Variants in LATS2 observed in about 807,000 individuals in gnomAD.
LATS2 encodes serine/threonine-protein kinase LATS2.
In LATS2, 24 loss-of-function variants were observed where a neutral mutation model predicts 76.0. The observed-to-expected ratio is 0.32, with a 90% CI of 0.23 to 0.44. The LOEUF (loss-of-function observed/expected upper bound fraction) is 0.44, where lower values mean the gene tolerates loss of function less well. Among genes scored for constraint, LATS2 ranks in the 20% least tolerant of loss-of-function variants. The probability of loss-of-function intolerance (pLI) is 1.00; values close to 1 mark genes in which losing one functional copy is unlikely to be tolerated. For missense variants in LATS2, 1,286 were observed against 1,481.2 expected, an observed-to-expected ratio of 0.87 and a Z score of 2.16; for synonymous variants, 692 against 635.4, an observed-to-expected ratio of 1.09 and a Z score of -1.34.
chr13:21,052,356 T>G (rs1312647355), intron 1 of LATS2, among the ~76,000 whole-genome samples: 1 of 152,014 alleles, frequency 6.6e-6, no homozygotes, highest in Non-Finnish European at 1.5e-5. Context: ...CTCTTTATTT[T>G]TTATTTATTT....
chr13:21,045,424 T>C (rs1056283422), intron 2 of LATS2, among the ~76,000 whole-genome samples: 9 of 152,128 alleles, frequency 5.9e-5, no homozygotes, highest in Non-Finnish European at 7.4e-5. Context: ...AAAATACACA[T>C]TACAATTTCA....
intron 4 of LATS2, 116 bp from the exon 5 acceptor site, chr13:20,983,922 G>A (rs1870026129): frequency 1.3e-6 from 1 of 765,622 alleles, no homozygotes; most frequent in Non-Finnish European, 2.1e-6. Flanking sequence ...TTACAGAAAG[G>A]AGAACAGAGA....
intron 2 of LATS2, among the ~76,000 whole-genome samples, chr13:20,992,087 G>C (rs1870532494): frequency 6.6e-6 from 1 of 152,198 alleles, no homozygotes; most frequent in African/African-American, 2.4e-5. Context: ...AGGGCCACAG[G>C]AGAAAGCCTC....
intron 2 of LATS2, among the ~76,000 whole-genome samples, chr13:20,992,071 T>C (rs1017969081): frequency 1.3e-5 from 2 of 151,922 alleles, no homozygotes; most frequent in African/African-American, 4.8e-5. Context: ...GCAGGTAAAA[T>C]GGATGAGGGC....
At position 20,988,221 on chromosome 13, in the gene LATS2, T is replaced by C. The variant is rs1365034773; in HGVS notation, c.1559A>G (p.Lys520Arg). 1 of 1,609,176 alleles carries C rather than the reference T, an allele frequency of 6.2e-7. No individual in the cohort carries two copies. Among genetic ancestry groups the C allele is most frequent in the Non-Finnish European group, 8.5e-7 (1 of 1,179,472 alleles). Residue 520 changes from lysine to arginine, a missense_variant, in exon 4 of 8, where the codon AAG becomes AGG. Lys to Arg is a conservative substitution (Grantham distance 26, BLOSUM62 2). Around this residue, in one of 5 missense-constraint regions of LATS2, gnomAD observed 710 missense variants for 660.9 expected, o/e 1.07. Transcript: ENST00000382592. ...DRRCPPPPYP[K>R]HLLLRSKSEQ... ...CGACTTGCTGCGCAGCAGCAGGTGC[T>C]TCGGGTAGGGCGGAGGCGGGCACCT...
At chr13:21,057,003 GA>G (rs1873469276) in intron 1 of LATS2, among the ~76,000 whole-genome samples, 1 of 152,174 alleles carries the variant, frequency 6.6e-6, no homozygotes, top group South Asian at 2.1e-4. Flanking sequence ...CATTTAATGA[GA>G]AAAATGAGTG....
chr13:20,993,281 C>A (rs1463738327), intron 2 of LATS2, among the ~76,000 whole-genome samples: 1 of 152,156 alleles, frequency 6.6e-6, no homozygotes. Context: ...CCTGGCAGGG[C>A]CTGAATCCAT....
At chr13:21,046,381 T>C (rs1873078429) in intron 1 of LATS2, among the ~76,000 whole-genome samples, 151 bp from the exon 2 acceptor site, 1 of 152,232 alleles carries the variant, frequency 6.6e-6, no homozygotes, top group East Asian at 1.9e-4. Context: ...ACAAAAATAC[T>C]GTTCAACCAT....
intron 7 of LATS2, 107 bp downstream of exon 7, chr13:20,979,584 T>C (rs1021603846): frequency 2.0e-6 from 1 of 510,690 alleles, no homozygotes. Flanking sequence ...ACAACTGCCA[T>C]TCCTACCCTA....
intron 2 of LATS2, among the ~76,000 whole-genome samples, chr13:21,010,285 C>CT (rs932868512): frequency 3.3e-5 from 5 of 152,146 alleles, no homozygotes; most frequent in Admixed American, 2.6e-4. Flanking sequence ...ATCAACCACA[C>CT]TGGCTTCAAC....
intron 6 of LATS2, among the ~76,000 whole-genome samples, chr13:20,980,498 G>A (rs528927341): frequency 1.8e-4 from 27 of 152,256 alleles, no homozygotes; most frequent in African/African-American, 5.5e-4. Context: ...GTCAGTCTGC[G>A]GGTGCCTGCA....
chr13:21,008,295 T>G (rs1311392555), intron 2 of LATS2, among the ~76,000 whole-genome samples: 2 of 151,964 alleles, frequency 1.3e-5, no homozygotes. Flanking sequence ...TCACAGGACC[T>G]CTTTGGCTCT....
In LATS2 at chr13:20,973,539, C is replaced by G. The variant is rs753492271; in HGVS notation, c.*1331G>C. On this transcript the variant is annotated 3_prime_UTR_variant, in exon 8 of 8. Transcript: ENST00000382592. ...CTGTGTGTGTGTGTGTGTGTGTATA[C>G]ACGCACATACATCTATACTTCTAAG... 26 of 229,090 alleles carry G rather than the reference C, an allele frequency of 1.1e-4. No homozygotes were observed. Among genetic ancestry groups the G allele is most frequent in the Non-Finnish European group, 2.0e-4 (23 of 117,154 alleles). The allele number at this position is 229,090 out of a possible 1,614,324, so 14.2% of individuals were successfully genotyped here.
chr13:21,029,612 G>A (rs1262231511), intron 2 of LATS2, among the ~76,000 whole-genome samples: 1 of 152,078 alleles, frequency 6.6e-6, no homozygotes. Flanking sequence ...CCAATATGGT[G>A]AAACCCCATT....
rs559896560 is a variant in LATS2, at chr13:21,046,559, A to G, written c.-204-329T>C. ...ATAATAAAATTTTATTTTGAAACCC[A>G]CAGCTTGAGGAGTATTTAAATTTTC... On this transcript the variant is annotated intron_variant, in intron 1 of 7. Coordinates refer to ENST00000382592, the MANE Select transcript of LATS2 (RefSeq NM_014572.3). Among the ~76,000 whole-genome samples, 6 of 152,316 alleles carry G rather than the reference A, an allele frequency of 3.9e-5. No individual in the cohort carries two copies. The East Asian group carries it at 1.2e-3, about 29-fold the overall frequency.
intron 4 of LATS2, among the ~76,000 whole-genome samples, chr13:20,987,410 T>C (rs1302990733): frequency 6.6e-6 from 1 of 152,236 alleles, no homozygotes; most frequent in East Asian, 1.9e-4. Context: ...AACTAAGGTA[T>C]ATTTAAATCA....
chr13:20,991,516 G>A lies in LATS2; in HGVS notation c.343-112C>T. The A allele has an allele frequency of 8.2e-7, 1 of 1,216,698 alleles. No individual in the cohort carries two copies. Among genetic ancestry groups the A allele is most frequent in the Non-Finnish European group, 1.2e-6 (1 of 858,210 alleles). The allele number at this position is 1,216,698 out of a possible 1,614,324, so 75.4% of individuals were successfully genotyped here. On this transcript the variant is annotated intron_variant, in intron 2 of 7. Coordinates refer to ENST00000382592, the MANE Select transcript of LATS2 (RefSeq NM_014572.3). The surrounding 1 kb of genome is among the most constrained non-coding windows in gnomAD (Gnocchi z 4.9). ...TGCTGGGACACTTCGCCTCTGTACT[G>A]CTGAGAACCTGCGATATGCTGCAGG...
In LATS2 at chr13:20,991,148, T is replaced by C. The variant is rs750620465; in HGVS notation, c.475+124A>G. On this transcript the variant is annotated intron_variant, in intron 3 of 7. Coordinates refer to ENST00000382592, the MANE Select transcript of LATS2 (RefSeq NM_014572.3). This position sits in a 1 kb window ranked among gnomAD's most constrained non-coding sequence, Gnocchi z 4.9. ...AGGCTCAGCTTGCCTGTTAACTGAA[T>C]GAGGCAATGTGCCAGGAGACTGGCT... The C allele has an allele frequency of 1.6e-6, 2 of 1,212,744 alleles. No individual in the cohort carries two copies. Among genetic ancestry groups the C allele is most frequent in the Non-Finnish European group, 2.4e-6 (2 of 848,988 alleles). The allele number at this position is 1,212,744 out of a possible 1,614,324, so 75.1% of individuals were successfully genotyped here. A position where few individuals can be genotyped will look rare whatever the true frequency, so the allele number is the denominator to read the frequency against.
chr13:21,040,194 G>A (rs1398859309), intron 2 of LATS2, among the ~76,000 whole-genome samples: 7 of 151,932 alleles, frequency 4.6e-5, no homozygotes, highest in Non-Finnish European at 7.4e-5. Context: ...CAAGACCACC[G>A]TGGGCAACAT....
Sources: allele counts gnomAD v4.1 joint callset (sites outside exome capture counted in the v4.1 genomes callset), GRCh38; gene constraint gnomAD v4.1.1; regional missense constraint gnomAD v4.1.1; non-coding constraint Gnocchi (gnomAD v3.1); transcripts MANE v1.5; gene names NCBI Gene and HGNC (gene_info 2026-07-23, HGNC 2026-07-21).